Variants in CMPK1 observed in about 807,000 individuals in gnomAD.
CMPK1 encodes UMP-CMP kinase.
CMPK1 carries 10 observed loss-of-function variants against 25.7 expected under a neutral mutation model. That is an observed-to-expected ratio of 0.39 (90% CI 0.24 to 0.66). CMPK1 has a LOEUF of 0.66. Ranked by LOEUF, CMPK1 falls within the 30% of genes least tolerant of loss-of-function variation. The pLI, the probability that CMPK1 is intolerant of heterozygous loss-of-function variation, is 0.48. For synonymous variants in CMPK1, 106 were observed against 101.5 expected, an observed-to-expected ratio of 1.04 and a Z score of -0.27; for missense variants, 199 against 280.5, an observed-to-expected ratio of 0.71 and a Z score of 2.08.
intron 1 of CMPK1, among the ~76,000 whole-genome samples, chr1:47,340,512 C>T (rs1348177572): frequency 6.6e-6 from 1 of 152,164 alleles, no homozygotes; most frequent in East Asian, 1.9e-4. Flanking sequence ...TGAAAATCTG[C>T]TGAGCAGATT....
chr1:47,347,406 A>G (rs1646493178), intron 1 of CMPK1, among the ~76,000 whole-genome samples: 1 of 151,768 alleles, frequency 6.6e-6, no homozygotes, highest in African/African-American at 2.4e-5. Context: ...GAGAGGTTTC[A>G]TTATGTTGCC....
In CMPK1 at chr1:47,377,935, G is replaced by A. The variant is rs1270303320; in HGVS notation, c.*1190G>A. The A allele has an allele frequency of 2.0e-5, 3 of 152,444 alleles. No individual in the cohort carries two copies. Among genetic ancestry groups the A allele is most frequent in the Non-Finnish European group, 2.9e-5 (2 of 67,950 alleles). 9.4% of individuals were successfully genotyped at this position (152,444 alleles called of 1,614,324 possible). On this transcript the variant is annotated 3_prime_UTR_variant, in exon 6 of 6. Coordinates refer to ENST00000371873, the MANE Select transcript of CMPK1 (RefSeq NM_016308.3). ...AAAAATCTCTGAGGAATTTGTTTTC[G>A]CCTTACTTTTTTTTCTTCTGTCACA... is the stretch of plus-strand genomic sequence containing the variant.
At chr1:47,340,476 C>A (rs1646433481) in intron 1 of CMPK1, among the ~76,000 whole-genome samples, 1 of 152,068 alleles carries the variant, frequency 6.6e-6, no homozygotes, top group Non-Finnish European at 1.5e-5. Flanking sequence ...TGTTTACTCT[C>A]AATGAATGAA....
At chr1:47,365,821 T>G (rs1646636121) in intron 1 of CMPK1, among the ~76,000 whole-genome samples, 1 of 152,164 alleles carries the variant, frequency 6.6e-6, no homozygotes, top group African/African-American at 2.4e-5. Flanking sequence ...GTTTTTCAAC[T>G]TCTTAAAGGA....
At chr1:47,349,927 C>G (rs1350437488) in intron 1 of CMPK1, among the ~76,000 whole-genome samples, 1 of 151,992 alleles carries the variant, frequency 6.6e-6, no homozygotes, top group African/African-American at 2.4e-5. Context: ...GTCTCAGCTT[C>G]CTAAGTAGCT....
chr1:47,342,014 G>T (rs926213936), intron 1 of CMPK1, among the ~76,000 whole-genome samples: 1 of 152,026 alleles, frequency 6.6e-6, no homozygotes, highest in Admixed American at 6.6e-5. Flanking sequence ...TGGCTCAAGC[G>T]ATCCTCCTGC....
intron 1 of CMPK1, among the ~76,000 whole-genome samples, chr1:47,368,043 G>A (rs921022148): frequency 2.0e-4 from 30 of 152,062 alleles, no homozygotes; most frequent in African/African-American, 7.2e-4. Flanking sequence ...TCCGCCTCCC[G>A]GGTTCAAGCG....
At chr1:47,369,672 CT>C (rs1164151249) in intron 2 of CMPK1, among the ~76,000 whole-genome samples, 1 of 151,684 alleles carries the variant, frequency 6.6e-6, no homozygotes, top group African/African-American at 2.4e-5. Flanking sequence ...AGAGATTCTC[CT>C]GTCTCAGCCT....
intron 1 of CMPK1, among the ~76,000 whole-genome samples, chr1:47,350,669 C>A (rs1178753401): frequency 6.6e-6 from 1 of 151,826 alleles, no homozygotes; most frequent in Non-Finnish European, 1.5e-5. Context: ...CTGAGGTGGG[C>A]GAATCACGAG....
chr1:47,351,986 A>C (rs1285923050), intron 1 of CMPK1, among the ~76,000 whole-genome samples: 1 of 152,066 alleles, frequency 6.6e-6, no homozygotes. Context: ...AAATACAAAA[A>C]ATGAGCTGGG....
At chr1:47,350,751 G>A (rs868477853) in intron 1 of CMPK1, among the ~76,000 whole-genome samples, 61 of 151,754 alleles carry the variant, frequency 4.0e-4, no homozygotes, top group Admixed American at 1.6e-3. Flanking sequence ...AAAAAGAAAA[G>A]AAAAAATTAG....
intron 1 of CMPK1, 102 bp from the exon 2 acceptor site, chr1:47,368,367 T>C (rs1434173459): frequency 1.1e-6 from 1 of 939,218 alleles, no homozygotes; most frequent in East Asian, 3.0e-5. Flanking sequence ...TTCTTTATTG[T>C]AGAAAAATTA....
intron 1 of CMPK1, among the ~76,000 whole-genome samples, chr1:47,351,555 AG>A (rs1646522632): frequency 6.6e-6 from 1 of 152,194 alleles, no homozygotes; most frequent in African/African-American, 2.4e-5. Context: ...TTGGTGTTCA[AG>A]TATCTGTTTG....
chr1:47,343,993 G>C (rs557440303), intron 1 of CMPK1, among the ~76,000 whole-genome samples: 20 of 151,260 alleles, frequency 1.3e-4, no homozygotes, highest in Non-Finnish European at 1.9e-4. Context: ...ACCTGAGAAA[G>C]AGAATTCAAG....
intron 2 of CMPK1, among the ~76,000 whole-genome samples, chr1:47,370,782 CAAAAAAA>C (rs60407679): frequency 4.3e-5 from 5 of 116,422 alleles, no homozygotes; most frequent in Admixed American, 8.9e-5. Flanking sequence ...ACTAAAAATA[CAAAAAAA>C]AAAAAAAAAA....
At chr1:47,339,043 A>G (rs372366854) in intron 1 of CMPK1, among the ~76,000 whole-genome samples, 2 of 139,192 alleles carry the variant, frequency 1.4e-5, no homozygotes, top group Middle Eastern at 3.5e-3. Flanking sequence ...TAGCACCCAG[A>G]AAACTTTTTT....
At chr1:47,341,995 G>A (rs564928894) in intron 1 of CMPK1, among the ~76,000 whole-genome samples, 45 of 152,038 alleles carry the variant, frequency 3.0e-4, no homozygotes, top group Non-Finnish European at 5.4e-4. Flanking sequence ...ACTGCTCACT[G>A]CAGCCACTTG....
chr1:47,357,633 C>T (rs778520847), intron 1 of CMPK1, among the ~76,000 whole-genome samples: 5 of 151,956 alleles, frequency 3.3e-5, no homozygotes, highest in South Asian at 2.1e-4. Context: ...TACAGGCACC[C>T]GCCGTCATGC....
At chr1:47,348,925 T>A (rs1039027834) in intron 1 of CMPK1, among the ~76,000 whole-genome samples, 4 of 152,210 alleles carry the variant, frequency 2.6e-5, no homozygotes, top group African/African-American at 7.2e-5. Flanking sequence ...TAATTGGGTG[T>A]TGACTTAATG....
Sources: allele counts gnomAD v4.1 joint callset (sites outside exome capture counted in the v4.1 genomes callset), GRCh38; gene constraint gnomAD v4.1.1; transcripts MANE v1.5; gene names NCBI Gene and HGNC (gene_info 2026-07-23, HGNC 2026-07-21).